The following MIA2 variants were observed in gnomAD, a reference collection of about 807,000 sequenced individuals.
MIA2 encodes melanoma inhibitory activity protein 2.
MIA2 carries 127 observed loss-of-function variants against 167.8 expected under a neutral mutation model. That is an observed-to-expected ratio of 0.76 (90% CI 0.66 to 0.88). The LOEUF (loss-of-function observed/expected upper bound fraction) is 0.88. MIA2 is among the 40% of genes least tolerant of loss of function. The probability of loss-of-function intolerance (pLI) is 0.00; values close to 1 mark genes in which losing one functional copy is unlikely to be tolerated. For missense variants in MIA2, 1,690 were observed against 1,624.7 expected, an observed-to-expected ratio of 1.04 and a Z score of -0.69; for synonymous variants, 552 against 541.9, an observed-to-expected ratio of 1.02 and a Z score of -0.26.
chr14:39,289,206 G>A (rs2152814404), intron 9 of MIA2, among the ~76,000 whole-genome samples: 1 of 140,570 alleles, frequency 7.1e-6, no homozygotes, highest in Non-Finnish European at 1.5e-5. Flanking sequence ...TTTCGACTTT[G>A]TTGTAAGGTA....
chr14:39,263,558 T>TTTCCTTTCC (rs1566614454), intron 6 of MIA2, among the ~76,000 whole-genome samples: 1 of 146,928 alleles, frequency 6.8e-6, no homozygotes, highest in Admixed American at 6.8e-5. Flanking sequence ...TTCTTTCTTC[T>TTTCCTTTCC]TTTCCTTTCC....
At chr14:39,277,443 C>T (rs61998554) in intron 7 of MIA2, among the ~76,000 whole-genome samples, 30,229 of 151,006 alleles carry the variant, frequency 0.2, 3,015 homozygotes, top group Middle Eastern at 0.28. Flanking sequence ...GGAGGATTGC[C>T]TGATCCTGGG....
intron 23 of MIA2, among the ~76,000 whole-genome samples, chr14:39,377,464 A>G (rs144023514): frequency 2.8e-3 from 431 of 152,354 alleles, no homozygotes; most frequent in African/African-American, 9.9e-3. Flanking sequence ...AGGAAAAGAA[A>G]TAAGGAAAAG....
At chr14:39,292,259 AC>A (rs2060835794) in intron 10 of MIA2, among the ~76,000 whole-genome samples, 1 of 152,252 alleles carries the variant, frequency 6.6e-6, no homozygotes, top group African/African-American at 2.4e-5. Context: ...GGTAGCAAAG[AC>A]ATTTACTCAA....
intron 23 of MIA2, among the ~76,000 whole-genome samples, chr14:39,373,178 A>G (rs2074981848): frequency 1.3e-5 from 2 of 152,136 alleles, no homozygotes; most frequent in Admixed American, 6.5e-5. Context: ...GGATTTAATT[A>G]TGGTTTTAGG....
At chr14:39,381,303 AAAG>A (rs2075156540) in intron 23 of MIA2, among the ~76,000 whole-genome samples, 1 of 152,200 alleles carries the variant, frequency 6.6e-6, no homozygotes, top group Non-Finnish European at 1.5e-5. Context: ...TTTTCTCAAA[AAAG>A]ATTCTAGGAG....
At chr14:39,344,163 T>C (rs950640680) in intron 25 of MIA2, among the ~76,000 whole-genome samples, 7 of 152,212 alleles carry the variant, frequency 4.6e-5, no homozygotes, top group African/African-American at 1.4e-4. Flanking sequence ...AACATAGCCA[T>C]GTAGTTTATA....
At chr14:39,275,343 G>C (rs1357235315) in intron 6 of MIA2, among the ~76,000 whole-genome samples, 1 of 152,084 alleles carries the variant, frequency 6.6e-6, no homozygotes, top group Non-Finnish European at 1.5e-5. Context: ...GTTTTGCCAC[G>C]TTGGCCAGGC....
chr14:39,381,861 T>G (rs2075171933), intron 23 of MIA2, among the ~76,000 whole-genome samples: 3 of 135,684 alleles, frequency 2.2e-5, no homozygotes, highest in African/African-American at 8.7e-5. Context: ...ACAAGAACAA[T>G]TAAACAACAC....
At chr14:39,377,040 T>C (rs936671256) in intron 23 of MIA2, among the ~76,000 whole-genome samples, 5 of 152,202 alleles carry the variant, frequency 3.3e-5, no homozygotes, top group Non-Finnish European at 7.3e-5. Flanking sequence ...CTTTCACATT[T>C]CTCCCCACTT....
Position 39,247,971 on chromosome 14 carries a change from AC to A in MIA2, c.1400del (p.Pro467LeufsTer25). Reference protein sequence around the residue: ...YLKKFLYNFDNPWNFQNIPKE... With the variant: ...YLKKFLYNFDXPWNFQNIPKE... ...AAAAAGTTCTTGTATAATTTTGACA[AC>A]CCTTGGAACTTCCAGAACATTCCAA... On this transcript the variant is annotated frameshift_variant, in exon 4 of 29. Coordinates refer to ENST00000640607, the MANE Select transcript of MIA2 (RefSeq NM_001329214.4). LOFTEE classifies it high-confidence loss of function. The A allele has an allele frequency of 6.3e-7, 1 of 1,595,284 alleles. No individual in the cohort carries two copies. Among genetic ancestry groups the A allele is most frequent in the Non-Finnish European group, 8.5e-7 (1 of 1,175,682 alleles).
chr14:39,326,748 A>G, intron 24 of MIA2, 116 bp from the exon 25 acceptor site: 1 of 893,074 alleles, frequency 1.1e-6, no homozygotes, highest in Non-Finnish European at 1.6e-6. Context: ...CTACACTGTT[A>G]TTTTTCAGAC....
chr14:39,236,796 C>T, intron 1 of MIA2, 126 bp from the exon 2 acceptor site: 1 of 913,262 alleles, frequency 1.1e-6, no homozygotes, highest in South Asian at 1.8e-5. Context: ...GTTTTTGAGG[C>T]CATAAATGAT....
chr14:39,242,789 G>C (rs1025537513), intron 3 of MIA2, among the ~76,000 whole-genome samples: 5 of 152,148 alleles, frequency 3.3e-5, no homozygotes, highest in South Asian at 2.1e-4. Context: ...AGTTTGCTGG[G>C]TAGTACTCTT....
chr14:39,375,886 A>G (rs994286699), intron 23 of MIA2, among the ~76,000 whole-genome samples: 2 of 152,222 alleles, frequency 1.3e-5, no homozygotes, highest in Non-Finnish European at 2.9e-5. Context: ...TTTTTAAAGC[A>G]GGATATTGTT....
At chr14:39,307,483 G>T (rs918888347) in intron 17 of MIA2, among the ~76,000 whole-genome samples, 1 of 131,926 alleles carries the variant, frequency 7.6e-6, no homozygotes, top group African/African-American at 2.9e-5. Context: ...CTCACTGCAC[G>T]CTCTGCCTCC....
At chr14:39,307,823 T>A (rs1289590331) in intron 17 of MIA2, among the ~76,000 whole-genome samples, 1 of 152,106 alleles carries the variant, frequency 6.6e-6, no homozygotes, top group Non-Finnish European at 1.5e-5. Context: ...CTATTTTAAG[T>A]GAAATAAGCC....
rs1410286393 is a variant in MIA2 at position 39,288,465 on chromosome 14, A to ATTTT, written c.2131-2553_2131-2552insTTTT. Among the ~76,000 whole-genome samples, 21 of 42,694 alleles carry ATTTT rather than the reference A, an allele frequency of 4.9e-4. 1 individual carries two copies. The highest frequency in any genetic ancestry group is 6.5e-4 in the Non-Finnish European group (17 of 26,124). 28.0% of individuals were successfully genotyped at this position (42,694 alleles called of 152,430 possible). On this transcript the variant is annotated intron_variant, in intron 9 of 28. Coordinates refer to ENST00000640607, the MANE Select transcript of MIA2 (RefSeq NM_001329214.4). ...TATATATATATATATATATATATAT[A>ATTTT]TATATATATATTTTTTTTTTTTTTT...
chr14:39,358,523 G>A (rs995772321), intron 23 of MIA2, among the ~76,000 whole-genome samples: 6 of 152,128 alleles, frequency 3.9e-5, no homozygotes, highest in African/African-American at 1.2e-4. Flanking sequence ...GCTTGGAGAA[G>A]TTTGATTGTC....
Sources: allele counts gnomAD v4.1 joint callset (sites outside exome capture counted in the v4.1 genomes callset), GRCh38; gene constraint gnomAD v4.1.1; transcripts MANE v1.5; gene names NCBI Gene and HGNC (gene_info 2026-07-23, HGNC 2026-07-21).